SLC39A12: variants seen among roughly 807,000 people sequenced by gnomAD.
SLC39A12 encodes solute carrier family 39 member 12, also known as zinc transporter ZIP12.
SLC39A12 carries 63 observed loss-of-function variants against 71.1 expected under a neutral mutation model. The ratio of observed to expected loss-of-function variants is 0.89; its 90% confidence interval spans 0.72 to 1.09. The LOEUF is 1.09. Ranked by LOEUF, SLC39A12 falls within the 50% of genes least tolerant of loss-of-function variation. The probability of loss-of-function intolerance (pLI) is 0.00; values close to 1 mark genes in which losing one functional copy is unlikely to be tolerated. For synonymous variants in SLC39A12, 351 were observed against 301.3 expected (o/e 1.16, Z -1.71); for missense variants, 892 against 812.6 (o/e 1.10, Z -1.19).
chr10:18,014,227 C>T (rs1333448327), intron 12 of SLC39A12, among the ~76,000 whole-genome samples: 1 of 151,962 alleles, frequency 6.6e-6, no homozygotes, highest in Non-Finnish European at 1.5e-5. Flanking sequence ...ATTGTAAATA[C>T]ATTTGTTTTC....
chr10:18,009,623 G>A (rs1564655847), intron 12 of SLC39A12: 1 of 152,362 alleles, frequency 6.6e-6, no homozygotes. Flanking sequence ...GGATTGGGGG[G>A]AGCAGGAACC....
chr10:18,007,812 G>T (rs929711012), intron 12 of SLC39A12, among the ~76,000 whole-genome samples: 1 of 152,124 alleles, frequency 6.6e-6, no homozygotes, highest in Non-Finnish European at 1.5e-5. Flanking sequence ...AGACTTTGCT[G>T]GTTTCCTTAC....
chr10:17,999,346 G>C (rs961319450), intron 10 of SLC39A12, among the ~76,000 whole-genome samples: 3 of 143,208 alleles, frequency 2.1e-5, no homozygotes, highest in African/African-American at 2.6e-5. Context: ...AGTTCTAACA[G>C]TAACAGTAAC....
chr10:18,005,914 C>G (rs1389201008), intron 12 of SLC39A12: 2 of 152,080 alleles, frequency 1.3e-5, no homozygotes, highest in Non-Finnish European at 2.9e-5. Flanking sequence ...CGCTTGCTCT[C>G]ACGGCCTTCT....
intron 6 of SLC39A12, among the ~76,000 whole-genome samples, chr10:17,987,229 G>A (rs1835421285): frequency 1.3e-5 from 2 of 152,014 alleles, no homozygotes; most frequent in Non-Finnish European, 2.9e-5. Context: ...CAGGTACTTG[G>A]GAGGCTGAGG....
intron 9 of SLC39A12, among the ~76,000 whole-genome samples, chr10:17,995,246 C>T (rs1044609003): frequency 1.3e-5 from 2 of 152,178 alleles, no homozygotes; most frequent in Non-Finnish European, 2.9e-5. Flanking sequence ...CAAAATACAT[C>T]GACTGCTCAC....
At chr10:18,038,579 G>A (rs895885865) in intron 12 of SLC39A12, among the ~76,000 whole-genome samples, 3 of 152,054 alleles carry the variant, frequency 2.0e-5, no homozygotes, top group Non-Finnish European at 4.4e-5. Context: ...GAACCTGGGA[G>A]GTGGGGAGGT....
At chr10:17,989,453 G>T (rs1465892170) in intron 7 of SLC39A12, among the ~76,000 whole-genome samples, 2 of 150,648 alleles carry the variant, frequency 1.3e-5, no homozygotes, top group African/African-American at 5.0e-5. Context: ...ATTGTTTACT[G>T]CCCAGGAGTC....
intron 6 of SLC39A12, among the ~76,000 whole-genome samples, chr10:17,985,796 T>C (rs1835383261): frequency 1.3e-5 from 2 of 152,090 alleles, no homozygotes; most frequent in South Asian, 4.1e-4. Context: ...CATATATATA[T>C]ATTTTTTCTT....
chr10:18,040,845 TA>T (rs1837205739), intron 12 of SLC39A12, among the ~76,000 whole-genome samples: 2 of 152,072 alleles, frequency 1.3e-5, no homozygotes, highest in African/African-American at 4.8e-5. Context: ...ATTTGATCGA[TA>T]AAATAATCTG....
chr10:18,008,755 T>G lies in SLC39A12; in HGVS notation c.1947+5397T>G, dbSNP rs187249354. The G allele has an allele frequency of 2.6e-5, 4 of 152,274 alleles. No individual in the cohort carries two copies. The East Asian group carries it at 5.8e-4, about 22-fold the overall frequency. 9.4% of individuals were successfully genotyped at this position (152,274 alleles called of 1,614,324 possible). A position where few individuals can be genotyped will look rare whatever the true frequency, so the allele number is the denominator to read the frequency against. ...TAGCAATACCTATCTATCAATTGCTTTATAATTTGGTACTGTTTCTCTCCT... is the reference window on the plus strand; with the variant it reads ...TAGCAATACCTATCTATCAATTGCTGTATAATTTGGTACTGTTTCTCTCCT... On this transcript the variant is annotated intron_variant, in intron 12 of 12. Coordinates refer to ENST00000377369, the MANE Select transcript of SLC39A12 (RefSeq NM_001145195.2).
chr10:18,035,539 T>A (rs371613460), intron 12 of SLC39A12, among the ~76,000 whole-genome samples: 29 of 151,598 alleles, frequency 1.9e-4, no homozygotes, highest in African/African-American at 6.3e-4. Flanking sequence ...TATTCTAGTT[T>A]TACATTCTTC....
intron 12 of SLC39A12, among the ~76,000 whole-genome samples, chr10:18,015,867 G>A (rs1020243069): frequency 1.3e-5 from 2 of 151,938 alleles, no homozygotes; most frequent in African/African-American, 4.8e-5. Context: ...ACTGAAAAAT[G>A]GATTTTTTTT....
At position 17,993,253 on chromosome 10, in the gene SLC39A12, C is replaced by G. The variant is rs1357637898; in HGVS notation, c.1495C>G (p.Gln499Glu). The G allele has an allele frequency of 1.9e-6, 3 of 1,551,762 alleles. No homozygotes were observed. The highest frequency in any genetic ancestry group is 2.6e-6 in the Non-Finnish European group (3 of 1,146,986). ...TGCACTCAACTCTGAATTAAGTGAC[C>G]AGGCAGGCAGAGGCAAATCTGCTTC... ...HLALNSELSD[Q>E]AGRGKSASTI... Residue 499 changes from glutamine to glutamate, a missense_variant, in exon 9 of 13, where the codon CAG becomes GAG. Coordinates refer to ENST00000377369, the MANE Select transcript of SLC39A12 (RefSeq NM_001145195.2).
At chr10:17,989,276 A>G (rs569258465) in intron 7 of SLC39A12, among the ~76,000 whole-genome samples, 20 of 152,358 alleles carry the variant, frequency 1.3e-4, no homozygotes, top group African/African-American at 4.8e-4. Flanking sequence ...TCGAGGCTCA[A>G]TTGTTATTCA....
intron 12 of SLC39A12, among the ~76,000 whole-genome samples, chr10:18,015,236 A>T (rs2130866964): frequency 7.0e-6 from 1 of 142,746 alleles, no homozygotes; most frequent in Admixed American, 7.0e-5. Flanking sequence ...ATATATCTAT[A>T]TATCTGTTTA....
At chr10:17,991,011 G>T (rs1219872152) in intron 7 of SLC39A12, 140 bp from the exon 8 acceptor site, 4 of 789,990 alleles carry the variant, frequency 5.1e-6, no homozygotes, top group Non-Finnish European at 7.3e-6. Context: ...GACTTTTAGT[G>T]ATTGTATTAA....
intron 12 of SLC39A12, among the ~76,000 whole-genome samples, chr10:18,010,141 T>A (rs780450167): frequency 2.2e-4 from 33 of 152,198 alleles, no homozygotes; most frequent in Non-Finnish European, 4.3e-4. Flanking sequence ...TCTTTCTTTA[T>A]CAGAGAAATC....
intron 4 of SLC39A12, among the ~76,000 whole-genome samples, chr10:17,977,321 T>A (rs1031910540): frequency 3.4e-5 from 5 of 147,512 alleles, no homozygotes; most frequent in African/African-American, 1.2e-4. Context: ...TATTGACTGC[T>A]TTTTTTTTTT....
Sources: allele counts gnomAD v4.1 joint callset (sites outside exome capture counted in the v4.1 genomes callset), GRCh38; gene constraint gnomAD v4.1.1; transcripts MANE v1.5; gene names NCBI Gene and HGNC (gene_info 2026-07-23, HGNC 2026-07-21).